GPA33: variants seen among roughly 807,000 people sequenced by gnomAD.
The protein encoded by GPA33 is cell surface A33 antigen.
A neutral mutation model predicts 35.6 loss-of-function variants in GPA33; 27 were observed. The observed-to-expected ratio is 0.76, with a 90% CI of 0.56 to 1.04. The LOEUF (loss-of-function observed/expected upper bound fraction) is 1.04, where lower values mean the gene tolerates loss of function less well. GPA33 is among the 50% of genes least tolerant of loss of function. The pLI is 0.00. For missense variants in GPA33, 428 were observed against 411.9 expected (o/e 1.04, Z -0.34); for synonymous variants, 176 against 164.0 (o/e 1.07, Z -0.56).
At chr1:167,068,892 A>G (rs749552070) in intron 3 of GPA33, 30 bp downstream of exon 3, 1 of 1,570,444 alleles carries the variant, frequency 6.4e-7, no homozygotes, top group South Asian at 1.1e-5. Flanking sequence ...CCCTCTTCCT[A>G]CAACTCCTGA....
At chr1:167,084,085 G>A (rs1007304852) in intron 1 of GPA33, among the ~76,000 whole-genome samples, 1 of 152,126 alleles carries the variant, frequency 6.6e-6, no homozygotes, top group African/African-American at 2.4e-5. Context: ...TGGGCCTGGC[G>A]CTTATCGGCC....
chr1:167,055,747 G>A lies in GPA33; in HGVS notation c.674C>T (p.Thr225Met), dbSNP rs540996886. ...NEEGTQFCNI[T>M]VAVRSPSMNV... ...GCTCTTACGAGATCTGACGGCCACC[G>A]TGATGTTGCAGAACTGCGTCCCCTC... Residue 225 changes from threonine to methionine, a missense_variant, in exon 5 of 7, where the codon ACG (threonine) becomes ATG (methionine). Physicochemically the swap from Thr to Met is moderately conservative, Grantham distance 81. Coordinates refer to ENST00000367868, the MANE Select transcript of GPA33 (RefSeq NM_005814.3). 30 of 1,613,890 alleles carry A rather than the reference G, an allele frequency of 1.9e-5. No homozygotes were observed. Among genetic ancestry groups the A allele is most frequent in the Admixed American group, 5.0e-5 (3 of 60,006 alleles).
At chr1:167,064,735 A>G (rs1354075203) in intron 3 of GPA33, among the ~76,000 whole-genome samples, 2 of 152,176 alleles carry the variant, frequency 1.3e-5, no homozygotes, top group Non-Finnish European at 2.9e-5. Flanking sequence ...CTTCTTAGTA[A>G]TGTTCTTTCT....
Position 167,063,702 on chromosome 1 carries a change from C to A in GPA33, c.451G>T (p.Glu151Ter). The A allele has an allele frequency of 1.9e-6, 3 of 1,613,526 alleles. No homozygotes were observed. The highest frequency in any genetic ancestry group is 1.7e-6 in the Non-Finnish European group (2 of 1,179,998). Residue 151 changes from glutamate (E) to a stop codon, truncating the protein, a stop_gained, in exon 4 of 7, where the codon GAG (glutamate) becomes TAG (stop). Coordinates refer to ENST00000367868, the MANE Select transcript of GPA33 (RefSeq NM_005814.3). LOFTEE classifies it high-confidence loss of function. ...PSKPECGIEG[E>*]TIIGNNIQLT... Reference sequence around the variant, plus strand: ...TGGATGTTGTTCCCAATTATGGTCTCTCCCTCGATGCCGCATTCTGGTTTG... The same window carrying A: ...TGGATGTTGTTCCCAATTATGGTCTATCCCTCGATGCCGCATTCTGGTTTG...
chr1:167,083,461 G>A (rs1317842155), intron 1 of GPA33, among the ~76,000 whole-genome samples: 2 of 152,220 alleles, frequency 1.3e-5, no homozygotes, highest in African/African-American at 4.8e-5. Flanking sequence ...CACCTATCCA[G>A]CAAACGGCTG....
intron 1 of GPA33, among the ~76,000 whole-genome samples, chr1:167,088,178 C>T (rs1207842570): frequency 6.6e-6 from 1 of 152,080 alleles, no homozygotes; most frequent in African/African-American, 2.4e-5. Context: ...CCTCTGGAAC[C>T]CAAGTCAAGC....
intron 1 of GPA33, among the ~76,000 whole-genome samples, chr1:167,088,328 T>A (rs1667093868): frequency 6.6e-6 from 1 of 152,204 alleles, no homozygotes; most frequent in Non-Finnish European, 1.5e-5. Flanking sequence ...CCTTTGAAGG[T>A]CTTCCTTGCT....
At chr1:167,083,215 C>T (rs898595014) in intron 1 of GPA33, among the ~76,000 whole-genome samples, 5 of 152,212 alleles carry the variant, frequency 3.3e-5, no homozygotes, top group Admixed American at 6.5e-5. Context: ...GTCACTTTAA[C>T]CTGTGGAGTA....
rs142698242 is a variant in GPA33 at position 167,086,172 on chromosome 1, A to G, written c.43+4073T>C. On this transcript the variant is annotated intron_variant, in intron 1 of 6. Coordinates refer to ENST00000367868, the MANE Select transcript of GPA33 (RefSeq NM_005814.3). Reference sequence around the variant, plus strand: ...AGGCAATGTGATTCATTCCAGGTGCATGAGCTCTTCCTACAAGCACTGGCT... The same window carrying G: ...AGGCAATGTGATTCATTCCAGGTGCGTGAGCTCTTCCTACAAGCACTGGCT... 2.0e-5 allele frequency among the ~76,000 whole-genome samples: 3 copies of G among 152,344 alleles called. No individual in the cohort carries two copies. In the East Asian group the frequency reaches 5.8e-4, roughly 29 times the overall value.
intron 1 of GPA33, among the ~76,000 whole-genome samples, chr1:167,087,563 AT>A (rs1488052454): frequency 3.9e-5 from 6 of 152,214 alleles, no homozygotes; most frequent in African/African-American, 1.4e-4. Context: ...CGGGTGGAAC[AT>A]TTCCCAGGCA....
chr1:167,087,019 G>A (rs565470941), intron 1 of GPA33, among the ~76,000 whole-genome samples: 5 of 152,152 alleles, frequency 3.3e-5, no homozygotes, highest in Admixed American at 1.3e-4. Context: ...GCACATTGCA[G>A]CACATCAAAT....
In GPA33 at chr1:167,068,934, G is replaced by C. The variant is rs747826424; in HGVS notation, c.403C>G (p.Leu135Val). The C allele has an allele frequency of 1.2e-6, 2 of 1,612,412 alleles. No homozygotes were observed. The highest frequency in any genetic ancestry group is 4.5e-5 in the East Asian group (2 of 44,874). Residue 135 changes from leucine to valine, a missense_variant, in exon 3 of 7, where the codon CTG (leucine) becomes GTG (valine). Coordinates refer to ENST00000367868, the MANE Select transcript of GPA33 (RefSeq NM_005814.3). ...LEGNTKSRVR[L>V]LVLVPPSKPE... Reference sequence around the variant, plus strand: ...TGAAGACACTCACCGAGGACCAACAGGCGGACACGTGACTTGGTGTTGCCC... The same window carrying C: ...TGAAGACACTCACCGAGGACCAACACGCGGACACGTGACTTGGTGTTGCCC...
At chr1:167,079,956 A>G (rs1666893184) in intron 1 of GPA33, among the ~76,000 whole-genome samples, 1 of 152,210 alleles carries the variant, frequency 6.6e-6, no homozygotes, top group Non-Finnish European at 1.5e-5. Context: ...GAATGAGACC[A>G]AAGCACCAGG....
At chr1:167,060,775 A>T (rs1666422144) in intron 4 of GPA33, among the ~76,000 whole-genome samples, 1 of 151,954 alleles carries the variant, frequency 6.6e-6, no homozygotes, top group South Asian at 2.1e-4. Flanking sequence ...GCAAAGACGA[A>T]CCTCCCTAGC....
intron 4 of GPA33, among the ~76,000 whole-genome samples, chr1:167,061,626 C>T (rs1050369259): frequency 5.0e-5 from 6 of 120,892 alleles, no homozygotes; most frequent in Admixed American, 2.2e-4. Context: ...GACGGAGTCT[C>T]GCTCTGTTGC....
intron 1 of GPA33, among the ~76,000 whole-genome samples, chr1:167,074,838 T>C (rs984180524): frequency 6.6e-6 from 1 of 152,008 alleles, no homozygotes; most frequent in African/African-American, 2.4e-5. Context: ...TTTAGGACTT[T>C]GTATTTTGCT....
rs1666765066 is a variant in GPA33, at chr1:167,073,593, CCCACTCACTGCCCACAGGA to C, written c.44-73_44-55del. ...AAAGTAAGCGACACGGACAGACATA[CCCACTCACTGCCCACAGGA>C]CCACTGAGGGAATGTCCAGGGCTGT... On this transcript the variant is annotated intron_variant, in intron 1 of 6. Coordinates refer to ENST00000367868, the MANE Select transcript of GPA33 (RefSeq NM_005814.3). 12 of 1,464,078 alleles carry C rather than the reference CCCACTCACTGCCCACAGGA, an allele frequency of 8.2e-6. No homozygotes were observed. The South Asian group carries it at 9.7e-5, about 12-fold the overall frequency. 90.7% of individuals were successfully genotyped at this position (1,464,078 alleles called of 1,614,324 possible).
chr1:167,056,746 GT>G, intron 4 of GPA33, among the ~76,000 whole-genome samples: 1 of 1,414 alleles, frequency 7.1e-4, no homozygotes, highest in African/African-American at 2.8e-3. Flanking sequence ...GGTGTGTGTG[GT>G]GTGTGTATGG....
chr1:167,056,640 G>A, intron 4 of GPA33, among the ~76,000 whole-genome samples: 1 of 149,798 alleles, frequency 6.7e-6, no homozygotes, highest in Non-Finnish European at 1.5e-5. Context: ...GATGTGTGTG[G>A]TGTGTGTAGT....
Sources: allele counts gnomAD v4.1 joint callset (sites outside exome capture counted in the v4.1 genomes callset), GRCh38; gene constraint gnomAD v4.1.1; transcripts MANE v1.5; gene names NCBI Gene and HGNC (gene_info 2026-07-23, HGNC 2026-07-21).